The following TENM3 variants were observed in gnomAD, a reference collection of about 807,000 sequenced individuals.
The protein encoded by TENM3 is teneurin-3.
In TENM3, 63 loss-of-function variants were observed where a neutral mutation model predicts 255.1. The observed-to-expected ratio is 0.25, with a 90% CI of 0.20 to 0.30. The LOEUF is 0.30. TENM3 is among the 10% of genes least tolerant of loss of function. The probability of loss-of-function intolerance (pLI) is 1.00; values close to 1 mark genes in which losing one functional copy is unlikely to be tolerated. For synonymous variants in TENM3, 1,306 were observed against 1,322.3 expected (o/e 0.99, Z 0.27); for missense variants, 2,929 against 3,461.1 (o/e 0.85, Z 3.86).
the TENM3 span, among the ~76,000 whole-genome samples, chr4:181,747,558 T>C: frequency 6.6e-6 from 1 of 152,034 alleles, no homozygotes. Context: ...GCTAATTATC[T>C]TTTTTATGAT....
Position 182,629,945 on chromosome 4 carries a change from G to A in TENM3, c.988+1056G>A, listed in dbSNP as rs558591121. Among the ~76,000 whole-genome samples, 9 of 152,314 alleles carry A rather than the reference G, an allele frequency of 5.9e-5. No homozygotes were observed. The East Asian group carries it at 9.7e-4, about 16-fold the overall frequency. ...GCATGAAGGAACTTTAGAGACAATT[G>A]AGTCAGGAATGGCAACTACGTGACA... On this transcript the variant is annotated intron_variant, in intron 5 of 27. Transcript: ENST00000511685.
At chr4:182,660,973 C>T (rs957994850) in intron 6 of TENM3, among the ~76,000 whole-genome samples, 1 of 152,102 alleles carries the variant, frequency 6.6e-6, no homozygotes, top group African/African-American at 2.4e-5. Flanking sequence ...GGCAGTAAGA[C>T]ACATGCCCAA....
the TENM3 span, among the ~76,000 whole-genome samples, chr4:182,076,349 G>A: frequency 6.6e-6 from 1 of 151,636 alleles, no homozygotes; most frequent in East Asian, 1.9e-4. Flanking sequence ...GATTACAGGT[G>A]CCCACCACCA....
chr4:182,769,561 A>T (rs535670189), intron 22 of TENM3, among the ~76,000 whole-genome samples: 4 of 151,442 alleles, frequency 2.6e-5, no homozygotes, highest in Non-Finnish European at 4.4e-5. Flanking sequence ...AGGCGGGAGG[A>T]TCACGAGGTC....
chr4:182,491,080 G>T (rs1022485924), intron 3 of TENM3, among the ~76,000 whole-genome samples: 1 of 152,172 alleles, frequency 6.6e-6, no homozygotes, highest in Non-Finnish European at 1.5e-5. Flanking sequence ...CAGTCAGCCT[G>T]CTCCTGGTTT....
At chr4:181,690,938 TA>T in the TENM3 span, among the ~76,000 whole-genome samples, 282 of 152,272 alleles carry the variant, frequency 1.9e-3, no homozygotes, top group Non-Finnish European at 3.5e-3. Flanking sequence ...AATACCTTTT[TA>T]AGCCTTTTTA....
the TENM3 span, among the ~76,000 whole-genome samples, chr4:181,583,129 A>ATTTAATTTTTTTT: frequency 1.5e-3 from 13 of 8,866 alleles, no homozygotes; most frequent in African/African-American, 2.7e-3. Context: ...CTTCTGTAGT[A>ATTTAATTTTTTTT]TTTTTTTTTT....
intron 1 of TENM3, among the ~76,000 whole-genome samples, chr4:182,310,484 C>G (rs1762377806): frequency 6.6e-6 from 1 of 152,174 alleles, no homozygotes; most frequent in South Asian, 2.1e-4. Flanking sequence ...TTTACATCTT[C>G]CCCTTAGCAA....
chr4:181,648,742 G>T, the TENM3 span, among the ~76,000 whole-genome samples: 1 of 152,198 alleles, frequency 6.6e-6, no homozygotes, highest in Non-Finnish European at 1.5e-5. Flanking sequence ...TCCTTCTAAT[G>T]ATTAATAATT....
At chr4:181,873,981 C>T in the TENM3 span, among the ~76,000 whole-genome samples, 4 of 152,124 alleles carry the variant, frequency 2.6e-5, no homozygotes, top group Admixed American at 2.0e-4. Context: ...GACAGGGTTT[C>T]ACCATGTTGG....
At chr4:181,793,449 C>T in the TENM3 span, among the ~76,000 whole-genome samples, 1 of 152,192 alleles carries the variant, frequency 6.6e-6, no homozygotes, top group Non-Finnish European at 1.5e-5. Flanking sequence ...ACAGGCCTAT[C>T]TAAAAGCATC....
chr4:182,215,706 T>C (rs555457544), intron 1 of TENM3, among the ~76,000 whole-genome samples: 2 of 152,316 alleles, frequency 1.3e-5, no homozygotes, highest in African/African-American at 4.8e-5. Flanking sequence ...CCTGGGGATA[T>C]TGTTGTTCAC....
intron 3 of TENM3, among the ~76,000 whole-genome samples, chr4:182,399,848 T>G (rs1769107765): frequency 6.6e-6 from 1 of 152,184 alleles, no homozygotes; most frequent in Non-Finnish European, 1.5e-5. Flanking sequence ...CTGACTACAG[T>G]AAAAGGGTCT....
chr4:182,561,167 C>CA (rs1320126894), intron 3 of TENM3, among the ~76,000 whole-genome samples: 2 of 151,690 alleles, frequency 1.3e-5, no homozygotes, highest in Non-Finnish European at 2.9e-5. Context: ...AACTAAGACT[C>CA]AAAACATTGA....
the TENM3 span, among the ~76,000 whole-genome samples, chr4:181,755,602 A>T: frequency 6.6e-6 from 1 of 152,142 alleles, no homozygotes; most frequent in African/African-American, 2.4e-5. Flanking sequence ...AATTCTGTGA[A>T]ATCATTATAT....
intron 3 of TENM3, among the ~76,000 whole-genome samples, chr4:182,387,706 T>C (rs931084607): frequency 1.4e-4 from 21 of 151,414 alleles, no homozygotes; most frequent in African/African-American, 5.1e-4. Flanking sequence ...GCTGTAACAC[T>C]CACCGCGAAG....
chr4:182,435,558 G>T (rs1036688716), intron 3 of TENM3, among the ~76,000 whole-genome samples: 4 of 152,222 alleles, frequency 2.6e-5, no homozygotes, highest in Non-Finnish European at 1.5e-5. Flanking sequence ...TCTGTCTCCA[G>T]CATGGGAACA....
Position 182,152,783 on chromosome 4 carries a change from A to G in TENM3, c.-76+8029A>G, listed in dbSNP as rs554334639. Among the ~76,000 whole-genome samples, 10 of 151,942 alleles carry G rather than the reference A, an allele frequency of 6.6e-5. No individual in the cohort carries two copies. The South Asian group carries it at 2.1e-3, about 31-fold the overall frequency. On this transcript the variant is annotated intron_variant, in intron 1 of 2. Coordinates refer to the TENM3 transcript ENST00000512480. The stretch of plus-strand genomic sequence containing the variant: ...TTTTGGTTGTGATATAATTTTCTAT[A>G]TTGTTTTAATTAGTATGATAGTAGA...
rs180798608 is a variant in TENM3, at chr4:182,777,718, C to T, written c.5304+2565C>T. Among the ~76,000 whole-genome samples the T allele has an allele frequency of 1.9e-3, 283 of 149,910 alleles. 1 individual carries two copies. The highest frequency in any genetic ancestry group is 2.9e-3 in the Non-Finnish European group (193 of 67,538). On this transcript the variant is annotated intron_variant, in intron 24 of 27. Transcript: ENST00000511685. ...GACTACAGACACACGCCACCATGCC[C>T]GGCTAATTTTTGTATTTTTAGTAGA... is the stretch of plus-strand genomic sequence containing the variant.
Sources: gnomAD v4.1 joint callset for allele counts (sites outside exome capture counted in the v4.1 genomes callset) on GRCh38, gnomAD v4.1.1 for gene constraint, MANE v1.5 for transcripts, NCBI Gene and HGNC (gene_info 2026-07-23, HGNC 2026-07-21) for gene names.